Variants in TSNARE1 observed in about 807,000 individuals in gnomAD.
The protein encoded by TSNARE1 is t-SNARE domain containing 1, also known as t-SNARE domain-containing protein 1.
In TSNARE1, 49 loss-of-function variants were observed where a neutral mutation model predicts 62.0. The observed-to-expected ratio is 0.79, with a 90% CI of 0.63 to 1.00. The LOEUF is 1.00. Among genes scored for constraint, TSNARE1 ranks in the 50% least tolerant of loss-of-function variants. The probability of loss-of-function intolerance (pLI) is 0.00; values close to 1 mark genes in which losing one functional copy is unlikely to be tolerated. For synonymous variants in TSNARE1, 328 were observed against 294.4 expected, an observed-to-expected ratio of 1.11 and a Z score of -1.17; for missense variants, 755 against 700.1, an observed-to-expected ratio of 1.08 and a Z score of -0.88.
chr8:142,344,175 C>A lies in TSNARE1; in HGVS notation c.536G>T (p.Arg179Leu). The A allele has an allele frequency of 6.2e-7, 1 of 1,613,402 alleles. No homozygotes were observed. The highest frequency in any genetic ancestry group is 8.5e-7 in the Non-Finnish European group (1 of 1,179,882). The change falls in exon 4 of 14, where the codon CGC becomes CTC. Residue 179 changes from arginine to leucine, a missense_variant. Arg to Leu is a moderately radical substitution (Grantham distance 102). Transcript: ENST00000524325. ...CTTGTGCTTCAGGTCCACAACGTCG[C>A]GGCGACAGTAGCCCAGCGCATTCAC... ...QAVNALGYCR[R>L]DVVDLKHKWR...
chr8:142,270,986 G>A, intron 12 of TSNARE1: 3 of 985,516 alleles, frequency 3.0e-6, no homozygotes, highest in Non-Finnish European at 3.6e-6. Flanking sequence ...CGGTGCCCTG[G>A]AGACCCAGTC....
intron 10 of TSNARE1, among the ~76,000 whole-genome samples, chr8:142,285,242 AGATGGATGGATGCGTAGGTG>A (rs1387211263): frequency 3.4e-4 from 43 of 126,106 alleles, no homozygotes; most frequent in African/African-American, 9.6e-4. Context: ...ATGGATGGGT[AGATGGATGGATGCGTAGGTG>A]GATGGATGGA....
intron 12 of TSNARE1, among the ~76,000 whole-genome samples, chr8:142,238,121 A>C (rs1817524324): frequency 6.7e-6 from 1 of 150,058 alleles, no homozygotes; most frequent in African/African-American, 2.5e-5. Flanking sequence ...CCCCCCCTCC[A>C]CCCTGCACCC....
chr8:142,384,464 G>A (rs1836976350), intron 1 of TSNARE1, among the ~76,000 whole-genome samples: 3 of 152,184 alleles, frequency 2.0e-5, no homozygotes, highest in African/African-American at 7.2e-5. Flanking sequence ...CAGTATGGTA[G>A]GGCATGAAAT....
intron 7 of TSNARE1, among the ~76,000 whole-genome samples, chr8:142,316,869 T>A (rs1384331495): frequency 6.6e-6 from 1 of 151,904 alleles, no homozygotes; most frequent in Non-Finnish European, 1.5e-5. Context: ...GTCACATGTA[T>A]TTTCCACAGG....
chr8:142,379,436 G>C (rs1836575325), intron 1 of TSNARE1, among the ~76,000 whole-genome samples: 1 of 152,244 alleles, frequency 6.6e-6, no homozygotes. Flanking sequence ...CTTGCCCAGA[G>C]GTGCTTGTCT....
At chr8:142,254,474 G>T (rs1818327325) in intron 12 of TSNARE1, among the ~76,000 whole-genome samples, 1 of 152,214 alleles carries the variant, frequency 6.6e-6, no homozygotes, top group South Asian at 2.1e-4. Flanking sequence ...AAAGCGATGG[G>T]CCTTTAAGCA....
chr8:142,275,542 C>G, intron 11 of TSNARE1: 1 of 985,434 alleles, frequency 1.0e-6, no homozygotes, highest in South Asian at 4.7e-5. Flanking sequence ...GCATTGTCTT[C>G]CACCCAAAGG....
chr8:142,229,931 TAAG>T (rs1383496056), intron 12 of TSNARE1, among the ~76,000 whole-genome samples: 1 of 152,134 alleles, frequency 6.6e-6, no homozygotes, highest in East Asian at 1.9e-4. Flanking sequence ...TTTGTAAGGA[TAAG>T]ATGATGCCAT....
At chr8:142,277,778 C>A (rs1375151183) in intron 11 of TSNARE1, 1 of 985,296 alleles carries the variant, frequency 1.0e-6, no homozygotes, top group African/African-American at 1.7e-5. Context: ...GAAGTCGAGG[C>A]TGGGTCTCAG....
chr8:142,287,679 C>T (rs1050168825), intron 10 of TSNARE1, among the ~76,000 whole-genome samples: 1 of 141,706 alleles, frequency 7.1e-6, no homozygotes, highest in African/African-American at 2.7e-5. Context: ...AACCCAGGAC[C>T]CCGGCCAGAT....
At position 142,222,952 on chromosome 8, in the gene TSNARE1, CCACTCACT is replaced by C. The variant is rs1313754274; in HGVS notation, c.*11+6513_*11+6520del. ...CTCATCCACTCATTCACTCACTCAT[CCACTCACT>C]CACTCATTCACTCACTCACTCATTC... On this transcript the variant is annotated intron_variant, in intron 13 of 13. Coordinates refer to ENST00000524325, the MANE Select transcript of TSNARE1 (RefSeq NM_145003.5). Among the ~76,000 whole-genome samples the C allele has an allele frequency of 2.3e-4, 32 of 138,792 alleles. 1 individual carries two copies. Among genetic ancestry groups the C allele is most frequent in the African/African-American group, 7.9e-4 (29 of 36,682 alleles). 91.1% of individuals were successfully genotyped at this position (138,792 alleles called of 152,430 possible).
intron 10 of TSNARE1, among the ~76,000 whole-genome samples, chr8:142,298,675 C>T (rs1195184236): frequency 6.6e-6 from 1 of 152,186 alleles, no homozygotes; most frequent in Non-Finnish European, 1.5e-5. Flanking sequence ...GCGACCTCCA[C>T]TCCTTGGACT....
intron 12 of TSNARE1, among the ~76,000 whole-genome samples, chr8:142,255,875 T>C (rs906732515): frequency 1.6e-4 from 3 of 18,922 alleles, no homozygotes; most frequent in Non-Finnish European, 2.3e-4. Flanking sequence ...ACCACCATCA[T>C]CACCATCACC....
chr8:142,261,931 C>T (rs1408634541), intron 12 of TSNARE1, among the ~76,000 whole-genome samples: 1 of 152,224 alleles, frequency 6.6e-6, no homozygotes, highest in East Asian at 1.9e-4. Flanking sequence ...GCCACAGCTG[C>T]CCAGGGCATC....
chr8:142,298,588 G>A (rs371058075), intron 10 of TSNARE1, among the ~76,000 whole-genome samples: 4 of 152,190 alleles, frequency 2.6e-5, no homozygotes, highest in African/African-American at 7.2e-5. Flanking sequence ...CTCCCTGGAC[G>A]CTGCCCTCTA....
intron 12 of TSNARE1, among the ~76,000 whole-genome samples, chr8:142,263,102 T>A (rs1359535253): frequency 1.3e-5 from 2 of 152,182 alleles, no homozygotes. Context: ...CTTTCTCTGT[T>A]TTTAAAGGAG....
intron 12 of TSNARE1, among the ~76,000 whole-genome samples, chr8:142,235,452 T>G: frequency 1.9e-5 from 2 of 103,518 alleles, no homozygotes; most frequent in Non-Finnish European, 1.9e-5. Context: ...TGGCCCCCCA[T>G]TCCTCAGGAA....
At chr8:142,388,253 A>G (rs1487915263) in intron 1 of TSNARE1, among the ~76,000 whole-genome samples, 1 of 152,118 alleles carries the variant, frequency 6.6e-6, no homozygotes, top group East Asian at 1.9e-4. Flanking sequence ...ATAAAATAGA[A>G]AGTACAGGTT....
Sources: gnomAD v4.1 joint callset for allele counts (sites outside exome capture counted in the v4.1 genomes callset) on GRCh38, gnomAD v4.1.1 for gene constraint, MANE v1.5 for transcripts, NCBI Gene and HGNC (gene_info 2026-07-23, HGNC 2026-07-21) for gene names.